The following HDAC9 variants were observed in gnomAD, a reference collection of about 807,000 sequenced individuals.
HDAC9 encodes MEF-2 interacting transcription repressor (MITR) protein.
In HDAC9, 41 loss-of-function variants were observed where a neutral mutation model predicts 139.4. The ratio of observed to expected loss-of-function variants is 0.29; its 90% CI spans 0.23 to 0.38. The LOEUF (loss-of-function observed/expected upper bound fraction) is 0.38, where lower values mean the gene tolerates loss of function less well. HDAC9 is among the 10% of genes least tolerant of loss of function. The pLI is 1.00. For synonymous variants in HDAC9, 517 were observed against 476.2 expected, an observed-to-expected ratio of 1.09 and a Z score of -1.12; for missense variants, 1,147 against 1,297.0, an observed-to-expected ratio of 0.88 and a Z score of 1.78.
At chr7:18,109,843 T>C (rs1210838847) in intron 1 of HDAC9, among the ~76,000 whole-genome samples, 1 of 152,246 alleles carries the variant, frequency 6.6e-6, no homozygotes, top group African/African-American at 2.4e-5. Context: ...AAAATACTTT[T>C]TGTGATTCTC....
At chr7:18,607,411 G>A (rs115351702) in intron 6 of HDAC9, among the ~76,000 whole-genome samples, 4 of 152,214 alleles carry the variant, frequency 2.6e-5, no homozygotes, top group African/African-American at 9.7e-5. Flanking sequence ...CCTGCACATA[G>A]TGCAGGATTT....
chr7:18,666,586 T>C (rs1202646764), intron 12 of HDAC9, 110 bp downstream of exon 12: 5 of 1,498,606 alleles, frequency 3.3e-6, no homozygotes, highest in East Asian at 2.5e-5. Flanking sequence ...TTTATATTTC[T>C]CTATGATTTG....
At position 18,675,048 on chromosome 7, in the gene HDAC9, C is replaced by G. The variant is rs181769522; in HGVS notation, c.1731+8572C>G. On this transcript the variant is annotated intron_variant, in intron 12 of 25. Coordinates refer to ENST00000686413, the MANE Select transcript of HDAC9 (RefSeq NM_178425.4). ...ATTAATTTTTCTATTTCCACGTATTCTATAGATAATTTTTTAAAGTGAGAG... is the reference window on the plus strand; with the variant it reads ...ATTAATTTTTCTATTTCCACGTATTGTATAGATAATTTTTTAAAGTGAGAG... Among the ~76,000 whole-genome samples the G allele has an allele frequency of 7.0e-3, 1,069 of 151,814 alleles. 6 individuals are homozygous for G. Among genetic ancestry groups the G allele is most frequent in the Non-Finnish European group, 0.012 (818 of 67,926 alleles).
chr7:18,921,523 A>G (rs955831698), intron 22 of HDAC9, among the ~76,000 whole-genome samples: 225 of 152,334 alleles, frequency 1.5e-3, no homozygotes, highest in Admixed American at 2.9e-3. Flanking sequence ...CAAAACCGCA[A>G]TGAGATACCA....
intron 1 of HDAC9, among the ~76,000 whole-genome samples, chr7:18,330,534 C>G (rs1251700421): frequency 1.3e-5 from 2 of 151,410 alleles, no homozygotes; most frequent in Non-Finnish European, 3.0e-5. Flanking sequence ...GAGAATTAAT[C>G]TCTTAGAATA....
chr7:18,435,226 G>GA (rs1791077747), intron 1 of HDAC9, among the ~76,000 whole-genome samples: 1 of 152,010 alleles, frequency 6.6e-6, no homozygotes. Flanking sequence ...AACACAAAGA[G>GA]AAGAACAATA....
intron 12 of HDAC9, among the ~76,000 whole-genome samples, chr7:18,718,489 T>C (rs1784882195): frequency 1.3e-5 from 2 of 152,174 alleles, no homozygotes; most frequent in Non-Finnish European, 1.5e-5. Flanking sequence ...CGCCTCGGCC[T>C]CCCAAAGTGT....
intron 12 of HDAC9, among the ~76,000 whole-genome samples, chr7:18,683,786 G>T (rs569350951): frequency 1.3e-5 from 2 of 151,902 alleles, no homozygotes; most frequent in Non-Finnish European, 2.9e-5. Flanking sequence ...CAAACTGGAG[G>T]CATCAAAGTC....
intron 1 of HDAC9, among the ~76,000 whole-genome samples, chr7:18,158,553 C>T (rs574248695): frequency 6.6e-6 from 1 of 152,170 alleles, no homozygotes; most frequent in South Asian, 2.1e-4. Flanking sequence ...ATTTGCCAGC[C>T]ACATATCTGT....
chr7:18,634,213 G>A (rs962163686), intron 7 of HDAC9, among the ~76,000 whole-genome samples: 2 of 151,944 alleles, frequency 1.3e-5, no homozygotes, highest in African/African-American at 2.4e-5. Flanking sequence ...AGACCTAATG[G>A]AATGGGTCTG....
In HDAC9 at chr7:18,471,624, A is replaced by T. The variant is rs547460991; in HGVS notation, c.-41-24638A>T. ...AGGGGCCTGCTGAACTTCTCTCTGG[A>T]ATGCTACCCAACATAACTCAGCTCC... On this transcript the variant is annotated intron_variant, in intron 1 of 3. Coordinates refer to the HDAC9 transcript ENST00000413509. 1.2e-4 allele frequency among the ~76,000 whole-genome samples: 18 copies of T among 152,278 alleles called. No individual in the cohort carries two copies. The South Asian group carries it at 3.7e-3, about 32-fold the overall frequency.
chr7:18,452,284 CAT>C (rs1792943451), intron 1 of HDAC9, among the ~76,000 whole-genome samples: 1 of 152,120 alleles, frequency 6.6e-6, no homozygotes, highest in Non-Finnish European at 1.5e-5. Context: ...CCAAGGATAA[CAT>C]AGAAGTGGCA....
intron 3 of HDAC9, among the ~76,000 whole-genome samples, chr7:18,585,802 T>C (rs971494678): frequency 6.6e-6 from 1 of 152,106 alleles, no homozygotes; most frequent in Non-Finnish European, 1.5e-5. Context: ...CCTACGTGAT[T>C]TTGTTCATTT....
chr7:18,408,155 C>G (rs1788195917), intron 1 of HDAC9, among the ~76,000 whole-genome samples: 1 of 152,070 alleles, frequency 6.6e-6, no homozygotes, highest in Non-Finnish European at 1.5e-5. Flanking sequence ...AATTTGATGA[C>G]AAAAGGGGAT....
chr7:18,763,881 G>C (rs956845419), intron 15 of HDAC9, among the ~76,000 whole-genome samples: 2 of 152,088 alleles, frequency 1.3e-5, no homozygotes, highest in African/African-American at 4.8e-5. Context: ...TATTGGAACA[G>C]GCTGGGATTG....
At chr7:18,124,183 T>C (rs976386362) in intron 1 of HDAC9, among the ~76,000 whole-genome samples, 2 of 152,180 alleles carry the variant, frequency 1.3e-5, no homozygotes, top group African/African-American at 2.4e-5. Context: ...CCACCTTCTG[T>C]CATCACTTTG....
At chr7:18,666,793 C>T in intron 12 of HDAC9, 4 of 1,123,214 alleles carry the variant, frequency 3.6e-6, no homozygotes, top group Non-Finnish European at 4.4e-6. Flanking sequence ...AAGCCTGCTA[C>T]ACCAATTACT....
At chr7:18,843,083 C>A (rs560535838) in intron 21 of HDAC9, among the ~76,000 whole-genome samples, 1 of 152,020 alleles carries the variant, frequency 6.6e-6, no homozygotes, top group South Asian at 2.1e-4. Context: ...GGTTCTAAAG[C>A]CAAAAATTTT....
rs33919260 is a variant in HDAC9 at position 18,880,843 on chromosome 7, C to CGG, written c.2803+6257_2803+6258dup. On this transcript the variant is annotated intron_variant, in intron 22 of 25. Coordinates refer to ENST00000686413, the MANE Select transcript of HDAC9 (RefSeq NM_178425.4). ...TTAAAAAAGAATAGTTAATAGTTGC[C>CGG]GGGGGGGGGGGAACCAAATAACAAA... Among the ~76,000 whole-genome samples the CGG allele has an allele frequency of 7.1e-4, 99 of 139,388 alleles. 1 individual carries two copies. Among genetic ancestry groups the CGG allele is most frequent in the African/African-American group, 2.4e-3 (91 of 37,260 alleles). The allele number at this position is 139,388 out of a possible 152,430, so 91.4% of individuals were successfully genotyped here.
Sources: allele counts gnomAD v4.1 joint callset (sites outside exome capture counted in the v4.1 genomes callset), GRCh38; gene constraint gnomAD v4.1.1; transcripts MANE v1.5; gene names NCBI Gene and HGNC (gene_info 2026-07-23, HGNC 2026-07-21).